The following PLPP1 variants were observed in gnomAD, a reference collection of about 807,000 sequenced individuals.
PLPP1 encodes phospholipid phosphatase 1, also known as lipid phosphate phosphohydrolase 1a.
A neutral mutation model predicts 31.2 loss-of-function variants in PLPP1; 24 were observed. The ratio of observed to expected loss-of-function variants is 0.77; its 90% CI spans 0.56 to 1.08. The LOEUF (loss-of-function observed/expected upper bound fraction) is 1.08, where lower values mean the gene tolerates loss of function less well. Ranked by LOEUF, PLPP1 falls within the 50% of genes least tolerant of loss-of-function variation. The pLI, the probability that PLPP1 is intolerant of heterozygous loss-of-function variation, is 0.00. For synonymous variants in PLPP1, 146 were observed against 126.3 expected (o/e 1.16, Z -1.05); for missense variants, 319 against 342.7 (o/e 0.93, Z 0.55).
intron 1 of PLPP1, among the ~76,000 whole-genome samples, chr5:55,485,464 T>C (rs1752756385): frequency 1.3e-5 from 2 of 152,152 alleles, no homozygotes; most frequent in South Asian, 4.1e-4. Context: ...AACATAGTTA[T>C]TTTGATCTTT....
intron 1 of PLPP1, chr5:55,530,233 C>A: frequency 6.9e-7 from 1 of 1,443,204 alleles, no homozygotes; most frequent in Admixed American, 1.7e-5. Context: ...TTCACAAATT[C>A]TCCATAATCA....
intron 1 of PLPP1, among the ~76,000 whole-genome samples, chr5:55,477,214 T>C (rs1253732871): frequency 1.3e-5 from 2 of 152,110 alleles, no homozygotes; most frequent in Non-Finnish European, 2.9e-5. Context: ...TCAAAAGAAT[T>C]TGCACAAACC....
At chr5:55,435,028 T>A (rs932401386) in intron 4 of PLPP1, among the ~76,000 whole-genome samples, 7 of 152,086 alleles carry the variant, frequency 4.6e-5, no homozygotes, top group African/African-American at 1.7e-4. Context: ...CCAGGACATA[T>A]AAGGAACTCA....
chr5:55,462,416 T>G (rs1752185498), intron 3 of PLPP1, among the ~76,000 whole-genome samples: 1 of 152,202 alleles, frequency 6.6e-6, no homozygotes, highest in Non-Finnish European at 1.5e-5. Flanking sequence ...CAATAAATAA[T>G]GTTGGAACAA....
At chr5:55,472,945 A>G (rs1752454405) in intron 2 of PLPP1, among the ~76,000 whole-genome samples, 1 of 152,184 alleles carries the variant, frequency 6.6e-6, no homozygotes. Context: ...GCTAGAGCAA[A>G]TTCCTGTAGT....
chr5:55,470,011 T>C (rs1752384539), intron 2 of PLPP1, among the ~76,000 whole-genome samples: 1 of 152,204 alleles, frequency 6.6e-6, no homozygotes, highest in Non-Finnish European at 1.5e-5. Flanking sequence ...AAAAATACAG[T>C]TCTAATTATA....
At chr5:55,477,309 C>T (rs1368533937) in intron 1 of PLPP1, among the ~76,000 whole-genome samples, 2 of 152,098 alleles carry the variant, frequency 1.3e-5, no homozygotes, top group Non-Finnish European at 2.9e-5. Context: ...TAACTAAATG[C>T]TTAGCCCCCT....
Position 55,425,559 on chromosome 5 carries a change from T to C in PLPP1, c.727-225A>G. The C allele has an allele frequency of 6.4e-6, 3 of 465,588 alleles. No individual in the cohort carries two copies. In the East Asian group the frequency reaches 1.1e-4, roughly 17 times the overall value. 28.8% of individuals were successfully genotyped at this position (465,588 alleles called of 1,614,324 possible). A position where few individuals can be genotyped will look rare whatever the true frequency, so the allele number is the denominator to read the frequency against. ...GCAAATAGCTTCATTTTGCCAATACTGAATAAAAGAGTTATTTCTACATGT... is the reference window on the plus strand; with the variant it reads ...GCAAATAGCTTCATTTTGCCAATACCGAATAAAAGAGTTATTTCTACATGT... On this transcript the variant is annotated intron_variant, in intron 5 of 5. Coordinates refer to ENST00000307259, the MANE Select transcript of PLPP1 (RefSeq NM_003711.4).
intron 1 of PLPP1, among the ~76,000 whole-genome samples, chr5:55,524,466 A>G (rs1465421056): frequency 6.6e-6 from 1 of 152,208 alleles, no homozygotes; most frequent in African/African-American, 2.4e-5. Context: ...AGCAATTCAA[A>G]TAACAGAATT....
chr5:55,534,353 G>C (rs1740799878), intron 1 of PLPP1, among the ~76,000 whole-genome samples: 1 of 152,176 alleles, frequency 6.6e-6, no homozygotes, highest in Non-Finnish European at 1.5e-5. Flanking sequence ...AAGCAGGGCT[G>C]GGCTCATCGC....
chr5:55,518,032 G>A (rs561261961), intron 1 of PLPP1, among the ~76,000 whole-genome samples: 31 of 152,130 alleles, frequency 2.0e-4, no homozygotes, highest in African/African-American at 7.2e-4. Flanking sequence ...TTTTAGTAGA[G>A]ATAGGGTTTC....
chr5:55,452,936 C>G (rs1046615600), intron 3 of PLPP1, among the ~76,000 whole-genome samples: 2 of 152,158 alleles, frequency 1.3e-5, no homozygotes, highest in African/African-American at 2.4e-5. Context: ...CTGGCAAACT[C>G]CCATCCTCCC....
At chr5:55,475,575 TA>T (rs1579950530) in intron 1 of PLPP1, 125 bp from the exon 2 acceptor site, 1 of 872,188 alleles carries the variant, frequency 1.1e-6, no homozygotes, top group Non-Finnish European at 1.7e-6. Context: ...AGAGCACATG[TA>T]AAAAAGGAAA....
chr5:55,442,825 AAAG>A (rs1448994564), intron 3 of PLPP1, among the ~76,000 whole-genome samples: 1 of 152,098 alleles, frequency 6.6e-6, no homozygotes, highest in East Asian at 1.9e-4. Flanking sequence ...ACTTCTGAGA[AAAG>A]AAAAATAGAG....
chr5:55,534,554 C>A lies in PLPP1; in HGVS notation c.58+18G>T. The stretch of plus-strand genomic sequence containing the variant: ...GGACAGCCGCACACGCCCCTCGGAC[C>A]CGGCGGCGCGTACGTACCCAGCAAC... On this transcript the variant is annotated intron_variant, in intron 1 of 5. Coordinates refer to ENST00000307259, the MANE Select transcript of PLPP1 (RefSeq NM_003711.4). The A allele has an allele frequency of 1.3e-6, 2 of 1,529,392 alleles. No individual in the cohort carries two copies. Among genetic ancestry groups the A allele is most frequent in the Non-Finnish European group, 1.8e-6 (2 of 1,140,020 alleles). The allele number at this position is 1,529,392 out of a possible 1,614,324, so 94.7% of individuals were successfully genotyped here.
At position 55,468,028 on chromosome 5, in the gene PLPP1, G is replaced by A. The variant is rs1467722967; in HGVS notation, c.332C>T (p.Ala111Val). Residue 111 changes from alanine to valine, a missense_variant, in exon 3 of 6, where the codon GCT becomes GTT. Ala to Val is a moderately conservative substitution (Grantham distance 64). Coordinates refer to ENST00000307259, the MANE Select transcript of PLPP1 (RefSeq NM_003711.4). ...GGCAATGTCAGTCAGGGACTGACTA[G>A]CAGCTGCACCAAATAAAAAGGTTCC... is the stretch of plus-strand genomic sequence containing the variant. ...AIGTFLFGAA[A>V]SQSLTDIAKY... The A allele has an allele frequency of 2.5e-6, 4 of 1,614,044 alleles. No homozygotes were observed. The Admixed American group carries it at 6.7e-5, about 27-fold the overall frequency.
At chr5:55,437,233 C>T (rs916193935) in intron 4 of PLPP1, among the ~76,000 whole-genome samples, 2 of 152,206 alleles carry the variant, frequency 1.3e-5, no homozygotes, top group African/African-American at 4.8e-5. Flanking sequence ...TAGAATATCT[C>T]ACCTTTAAAA....
intron 5 of PLPP1, 65 bp from the exon 6 acceptor site, chr5:55,425,399 T>TCAA (rs1751154772): frequency 4.3e-6 from 6 of 1,391,088 alleles, no homozygotes; most frequent in Admixed American, 4.2e-5. Flanking sequence ...AAAGTTGTGA[T>TCAA]CAACAGCATC....
At chr5:55,466,810 A>T (rs563024244) in intron 3 of PLPP1, among the ~76,000 whole-genome samples, 9 of 39,742 alleles carry the variant, frequency 2.3e-4, no homozygotes, top group Non-Finnish European at 6.2e-4. Flanking sequence ...AATCATATCT[A>T]AAAAAATCAA....
Sources: allele counts gnomAD v4.1 joint callset (sites outside exome capture counted in the v4.1 genomes callset), GRCh38; gene constraint gnomAD v4.1.1; transcripts MANE v1.5; gene names NCBI Gene and HGNC (gene_info 2026-07-23, HGNC 2026-07-21).